SPECC1: variants seen among roughly 807,000 people sequenced by gnomAD.
The protein encoded by SPECC1 is cytospin-B.
Under a neutral mutation model 104.1 loss-of-function variants are expected in SPECC1, and 62 were observed. The observed-to-expected ratio is 0.60, with a 90% CI of 0.49 to 0.74. The LOEUF (loss-of-function observed/expected upper bound fraction) is 0.74, where lower values mean the gene tolerates loss of function less well. Among genes scored for constraint, SPECC1 ranks in the 30% least tolerant of loss-of-function variants. The probability of loss-of-function intolerance (pLI) is 0.00; values close to 1 mark genes in which losing one functional copy is unlikely to be tolerated. For synonymous variants in SPECC1, 513 were observed against 501.6 expected (o/e 1.02, Z -0.30); for missense variants, 1,306 against 1,310.5 (o/e 1.00, Z 0.05).
intron 1 of SPECC1, among the ~76,000 whole-genome samples, chr17:20,029,437 A>G (rs1235606529): frequency 6.6e-6 from 1 of 152,166 alleles, no homozygotes; most frequent in East Asian, 1.9e-4. Flanking sequence ...TTTTCTAAAG[A>G]TCGTATCGCC....
At chr17:20,273,029 C>A (rs1206971848) in intron 12 of SPECC1, among the ~76,000 whole-genome samples, 1 of 152,180 alleles carries the variant, frequency 6.6e-6, no homozygotes, top group Non-Finnish European at 1.5e-5. Context: ...GCGTATGAGG[C>A]CTGCGACTAT....
chr17:20,188,447 G>A (rs527269231), intron 3 of SPECC1, among the ~76,000 whole-genome samples: 2 of 151,938 alleles, frequency 1.3e-5, no homozygotes, highest in Admixed American at 6.6e-5. Flanking sequence ...TAGTAGAGAC[G>A]GGGTTTCACC....
Position 20,099,441 on chromosome 17 carries a change from G to C in SPECC1, c.147+2643G>C, listed in dbSNP as rs529339445. On this transcript the variant is annotated intron_variant, in intron 2 of 14. Transcript: ENST00000395527. ...GGCTTATGCCACTTTGGGAGGCTGA[G>C]GTGGATGGATCACCTGAGGTCAGGA... Among the ~76,000 whole-genome samples the C allele has an allele frequency of 2.1e-4, 32 of 150,068 alleles. 1 individual carries two copies. The South Asian group carries it at 4.0e-3, about 19-fold the overall frequency.
intron 12 of SPECC1, among the ~76,000 whole-genome samples, chr17:20,264,456 G>GTT (rs2040144812): frequency 9.3e-6 from 1 of 107,128 alleles, no homozygotes; most frequent in Non-Finnish European, 1.9e-5. Flanking sequence ...TTTGGAGACG[G>GTT]ATTTTTTTTT....
At chr17:20,153,838 T>C (rs1453084929) in intron 3 of SPECC1, among the ~76,000 whole-genome samples, 9 of 152,352 alleles carry the variant, frequency 5.9e-5, no homozygotes, top group East Asian at 1.9e-4. Context: ...TTGGAACTAT[T>C]TGGGGAAGTC....
chr17:20,097,017 T>C (rs373307136), intron 2 of SPECC1, among the ~76,000 whole-genome samples: 20 of 152,254 alleles, frequency 1.3e-4, no homozygotes, highest in African/African-American at 4.6e-4. Context: ...GCAAAGTGTT[T>C]AACACAGTAA....
intron 7 of SPECC1, among the ~76,000 whole-genome samples, chr17:20,240,540 T>G (rs201034871): frequency 1.3e-5 from 2 of 152,194 alleles, no homozygotes; most frequent in East Asian, 3.9e-4. Flanking sequence ...ATCTACTTGA[T>G]GCACACACAT....
At chr17:20,033,901 T>C (rs982500586) in intron 1 of SPECC1, among the ~76,000 whole-genome samples, 1 of 152,184 alleles carries the variant, frequency 6.6e-6, no homozygotes, top group African/African-American at 2.4e-5. Context: ...GTGCTTATTG[T>C]CAGCCTCAAA....
chr17:20,178,682 A>G (rs2034645367), intron 3 of SPECC1, among the ~76,000 whole-genome samples: 1 of 152,238 alleles, frequency 6.6e-6, no homozygotes, highest in African/African-American at 2.4e-5. Context: ...AAACAAAGAT[A>G]TTGTGAGGTG....
At chr17:20,247,170 A>C (rs368294368) in intron 8 of SPECC1, 49 bp from the exon 9 acceptor site, 2 of 1,432,408 alleles carry the variant, frequency 1.4e-6, no homozygotes, top group Non-Finnish European at 1.9e-6. Context: ...AGTATATGCT[A>C]TTTTGAAGTG....
intron 11 of SPECC1, among the ~76,000 whole-genome samples, chr17:20,258,737 A>G (rs575958633): frequency 1.3e-5 from 2 of 152,246 alleles, no homozygotes; most frequent in South Asian, 4.1e-4. Flanking sequence ...TTCTCCTTTC[A>G]TACTCCAAAT....
rs2151458819 is a variant in SPECC1, at chr17:20,227,398, T to C, written c.1864-15T>C. ...TTTGTTGTTAACTGACCAAGGAACCTTCCTTTTATTTTAGGTGGAAAAGGA... is the reference window on the plus strand; with the variant it reads ...TTTGTTGTTAACTGACCAAGGAACCCTCCTTTTATTTTAGGTGGAAAAGGA... On this transcript the variant is annotated splice_polypyrimidine_tract_variant and intron_variant, in intron 4 of 14. Transcript: ENST00000395527. 1 of 1,606,760 alleles carries C rather than the reference T, an allele frequency of 6.2e-7. No individual in the cohort carries two copies. Among genetic ancestry groups the C allele is most frequent in the Non-Finnish European group, 8.5e-7 (1 of 1,176,422 alleles).
intron 1 of SPECC1, among the ~76,000 whole-genome samples, chr17:20,058,651 C>T (rs1309354716): frequency 3.3e-5 from 5 of 151,454 alleles, no homozygotes; most frequent in Admixed American, 6.6e-5. Flanking sequence ...AAAGTGAGAC[C>T]GTGTATTTAA....
At chr17:20,052,716 A>G (rs2045821131) in intron 1 of SPECC1, among the ~76,000 whole-genome samples, 1 of 152,244 alleles carries the variant, frequency 6.6e-6, no homozygotes, top group African/African-American at 2.4e-5. Flanking sequence ...TATCCAAGGA[A>G]GGAGCATGGA....
intron 4 of SPECC1, among the ~76,000 whole-genome samples, chr17:20,218,876 C>A (rs369985471): frequency 3.9e-5 from 6 of 152,154 alleles, no homozygotes; most frequent in African/African-American, 1.4e-4. Flanking sequence ...TAATTTTTAA[C>A]TCCCACAAAT....
intron 4 of SPECC1, among the ~76,000 whole-genome samples, chr17:20,215,939 CAG>C (rs760736300): frequency 1.3e-5 from 2 of 152,140 alleles, no homozygotes; most frequent in Non-Finnish European, 2.9e-5. Flanking sequence ...GATGCCCTGA[CAG>C]AGATCTTTTT....
intron 2 of SPECC1, among the ~76,000 whole-genome samples, chr17:20,104,713 A>T (rs1020353806): frequency 4.3e-5 from 6 of 140,760 alleles, no homozygotes; most frequent in Admixed American, 1.5e-4. Flanking sequence ...ACTGCACTCC[A>T]GCTTGGGTGA....
At chr17:20,227,139 C>T (rs2526478) in intron 4 of SPECC1, among the ~76,000 whole-genome samples, 64,619 of 152,026 alleles carry the variant, frequency 0.43, 14,346 homozygotes, top group East Asian at 0.8. Context: ...AAGCATACAT[C>T]GTGTTTCTCT....
In SPECC1 at chr17:20,115,197, G is replaced by A. The variant is rs185868034; in HGVS notation, c.283+4635G>A. On this transcript the variant is annotated intron_variant, in intron 3 of 14. Transcript: ENST00000395527. Reference sequence around the variant, plus strand: ...TTAATATAAAAATTTGAGATCAGCCGGGCACGGTGGCTCACACCTGTAATC... The same window carrying A: ...TTAATATAAAAATTTGAGATCAGCCAGGCACGGTGGCTCACACCTGTAATC... Among the ~76,000 whole-genome samples the A allele has an allele frequency of 4.6e-3, 701 of 152,274 alleles. 1 individual carries two copies. The highest frequency in any genetic ancestry group is 8.8e-3 in the Admixed American group (134 of 15,290).
Sources: gnomAD v4.1 joint callset for allele counts (sites outside exome capture counted in the v4.1 genomes callset) on GRCh38, gnomAD v4.1.1 for gene constraint, MANE v1.5 for transcripts, NCBI Gene and HGNC (gene_info 2026-07-23, HGNC 2026-07-21) for gene names.